The following SCAPER variants were observed in gnomAD, a reference collection of about 807,000 sequenced individuals.
SCAPER encodes the protein S phase cyclin A-associated protein in the endoplasmic reticulum.
SCAPER carries 98 observed loss-of-function variants against 182.2 expected under a neutral mutation model. The ratio of observed to expected loss-of-function variants is 0.54; its 90% CI spans 0.46 to 0.64. SCAPER has a LOEUF of 0.64. Ranked by LOEUF, SCAPER falls within the 30% of genes least tolerant of loss-of-function variation. The pLI, the probability that SCAPER is intolerant of heterozygous loss-of-function variation, is 0.00. For synonymous variants in SCAPER, 605 were observed against 564.6 expected, an observed-to-expected ratio of 1.07 and a Z score of -1.01; for missense variants, 1,432 against 1,690.0, an observed-to-expected ratio of 0.85 and a Z score of 2.68.
At chr15:76,672,129 C>T (rs2057063743) in intron 20 of SCAPER, among the ~76,000 whole-genome samples, 1 of 152,026 alleles carries the variant, frequency 6.6e-6, no homozygotes, top group Non-Finnish European at 1.5e-5. Flanking sequence ...ATAATAGAGA[C>T]AAAGGGGAAA....
chr15:76,903,662 A>G (rs1337679832), intron 1 of SCAPER, among the ~76,000 whole-genome samples: 2 of 152,140 alleles, frequency 1.3e-5, no homozygotes, highest in African/African-American at 4.8e-5. Flanking sequence ...TTTATAAGCC[A>G]CTCAGTCTGA....
chr15:76,832,583 T>G (rs1366801181), intron 5 of SCAPER, among the ~76,000 whole-genome samples: 1 of 152,160 alleles, frequency 6.6e-6, no homozygotes, highest in African/African-American at 2.4e-5. Flanking sequence ...GATCGGTGTC[T>G]CCTCCCAAAT....
At chr15:76,723,491 A>G (rs2060388910) in intron 17 of SCAPER, among the ~76,000 whole-genome samples, 1 of 151,908 alleles carries the variant, frequency 6.6e-6, no homozygotes, top group Non-Finnish European at 1.5e-5. Flanking sequence ...ATCCTTGTTA[A>G]CTTTCTGTCT....
chr15:76,794,043 T>C (rs1462396273), intron 8 of SCAPER, among the ~76,000 whole-genome samples: 1 of 152,222 alleles, frequency 6.6e-6, no homozygotes, highest in Non-Finnish European at 1.5e-5. Flanking sequence ...TCTGTGTTAA[T>C]TGCTGTGGCA....
At chr15:76,745,326 GTAA>G (rs1234136905) in intron 15 of SCAPER, among the ~76,000 whole-genome samples, 1 of 152,088 alleles carries the variant, frequency 6.6e-6, no homozygotes, top group Non-Finnish European at 1.5e-5. Context: ...GCGTGTGCTT[GTAA>G]TCTCAGCTAC....
intron 20 of SCAPER, among the ~76,000 whole-genome samples, chr15:76,673,984 CACACA>C (rs1567763396): frequency 1.2e-4 from 18 of 145,714 alleles, no homozygotes; most frequent in Non-Finnish European, 2.5e-4. Flanking sequence ...CACACACACA[CACACA>C]CCCCAATCAG....
At chr15:76,873,094 A>G (rs1226169066) in intron 2 of SCAPER, among the ~76,000 whole-genome samples, 1 of 151,462 alleles carries the variant, frequency 6.6e-6, no homozygotes, top group Non-Finnish European at 1.5e-5. Context: ...TACAAAAAAA[A>G]AAAAAAAAAA....
At chr15:76,683,670 G>A (rs912147826) in intron 20 of SCAPER, among the ~76,000 whole-genome samples, 5 of 152,074 alleles carry the variant, frequency 3.3e-5, no homozygotes, top group Non-Finnish European at 5.9e-5. Context: ...AGAAGGCACA[G>A]ATCACTTACA....
intron 22 of SCAPER, among the ~76,000 whole-genome samples, chr15:76,609,634 C>A (rs548480191): frequency 6.6e-6 from 1 of 152,338 alleles, no homozygotes; most frequent in East Asian, 1.9e-4. Flanking sequence ...TCTGCTGTAT[C>A]TGACTCTGAA....
chr15:76,848,388 G>T (rs2070358068), intron 4 of SCAPER, among the ~76,000 whole-genome samples: 1 of 148,100 alleles, frequency 6.8e-6, no homozygotes, highest in African/African-American at 2.5e-5. Flanking sequence ...GAGTGCAGTG[G>T]TGCAATCTCG....
intron 8 of SCAPER, among the ~76,000 whole-genome samples, chr15:76,786,741 A>G (rs1315271068): frequency 6.6e-6 from 1 of 152,232 alleles, no homozygotes; most frequent in African/African-American, 2.4e-5. Flanking sequence ...TTTAGATGAC[A>G]TAATAGAAAA....
intron 24 of SCAPER, among the ~76,000 whole-genome samples, chr15:76,479,104 A>C (rs1268904691): frequency 2.0e-5 from 3 of 152,162 alleles, no homozygotes; most frequent in Admixed American, 6.5e-5. Flanking sequence ...GTATATCTAC[A>C]TAATCTTAGG....
chr15:76,442,731 A>G (rs752823893), intron 25 of SCAPER, among the ~76,000 whole-genome samples: 39 of 152,208 alleles, frequency 2.6e-4, no homozygotes, highest in Non-Finnish European at 1.2e-4. Context: ...CTTACACAAG[A>G]TCTTGAAGTC....
intron 23 of SCAPER, among the ~76,000 whole-genome samples, chr15:76,538,086 G>GGA (rs2044351774): frequency 6.7e-6 from 1 of 150,142 alleles, no homozygotes; most frequent in Non-Finnish European, 1.5e-5. Flanking sequence ...GAGAGGATGT[G>GGA]GAGAAATAGG....
chr15:76,381,265 T>C, intron 28 of SCAPER, 113 bp downstream of exon 28: 1 of 700,426 alleles, frequency 1.4e-6, no homozygotes, highest in Non-Finnish European at 2.4e-6. Context: ...TATAATTCCA[T>C]TTATTGTAGT....
chr15:76,629,723 T>C (rs2052923502), intron 21 of SCAPER, among the ~76,000 whole-genome samples: 1 of 152,210 alleles, frequency 6.6e-6, no homozygotes, highest in Admixed American at 6.5e-5. Flanking sequence ...AGTTTTCTTT[T>C]TTTGTTGTAT....
At chr15:76,680,411 G>A (rs1018539855) in intron 20 of SCAPER, among the ~76,000 whole-genome samples, 10 of 142,594 alleles carry the variant, frequency 7.0e-5, no homozygotes, top group African/African-American at 1.6e-4. Context: ...TGATGATGAT[G>A]ATAATAATAA....
chr15:76,352,777 C>A (rs2040667984), intron 30 of SCAPER, among the ~76,000 whole-genome samples: 1 of 151,988 alleles, frequency 6.6e-6, no homozygotes, highest in Non-Finnish European at 1.5e-5. Flanking sequence ...TTAATTTAAT[C>A]CTAAGGCTCT....
chr15:76,795,673 A>G (rs16968485), intron 7 of SCAPER, among the ~76,000 whole-genome samples: 7,389 of 152,302 alleles, frequency 0.049, 227 homozygotes, highest in South Asian at 0.12. Context: ...AAAAGCCCTC[A>G]GTTGTTTAAA....
Sources: allele counts gnomAD v4.1 joint callset (sites outside exome capture counted in the v4.1 genomes callset), GRCh38; gene constraint gnomAD v4.1.1; transcripts MANE v1.5; gene names NCBI Gene and HGNC (gene_info 2026-07-23, HGNC 2026-07-21).